The following OPHN1 variants were observed in gnomAD, a reference collection of about 807,000 sequenced individuals.
The protein encoded by OPHN1 is oligophrenin-1.
Under a neutral mutation model 60.7 loss-of-function variants are expected in OPHN1, and 11 were observed. That is an observed-to-expected ratio of 0.18 (90% CI 0.11 to 0.30). The LOEUF is 0.30. Among genes scored for constraint, OPHN1 ranks in the 10% least tolerant of loss-of-function variants. The probability of loss-of-function intolerance (pLI) is 1.00; values close to 1 mark genes in which losing one functional copy is unlikely to be tolerated. For missense variants in OPHN1, 449 were observed against 611.0 expected (o/e 0.73, Z 2.80); for synonymous variants, 226 against 222.6 (o/e 1.02, Z -0.14).
intron 19 of OPHN1, among the ~76,000 whole-genome samples, chrX:68,075,856 C>A (rs1477459319): frequency 2.0e-5 from 2 of 101,782 alleles, no homozygotes; most frequent in African/African-American, 7.1e-5. Flanking sequence ...GGGCTATAAT[C>A]AAATTTAAAA....
In OPHN1 at chrX:68,370,011, A is replaced by AATATAT. The variant is rs761607454; in HGVS notation, c.154+62850_154+62855dup. ...ACAGTGGGATGGCATAAATTGCTGA[A>AATATAT]ATATATATATATATATATATATATA... On this transcript the variant is annotated intron_variant, in intron 2 of 24. Coordinates refer to ENST00000355520, the MANE Select transcript of OPHN1 (RefSeq NM_002547.3). 8.5e-3 allele frequency among the ~76,000 whole-genome samples: 547 copies of AATATAT among 64,326 alleles called. 15 individuals are homozygous for AATATAT. The highest frequency in any genetic ancestry group is 0.014 in the South Asian group (15 of 1,102). The allele number at this position is 64,326 out of a possible 115,157, so 55.9% of individuals were successfully genotyped here.
At chrX:68,150,432 G>C (rs1731880316) in intron 15 of OPHN1, among the ~76,000 whole-genome samples, 1 of 111,815 alleles carries the variant, frequency 8.9e-6, no homozygotes, top group Admixed American at 9.5e-5. Flanking sequence ...ATAATAATAA[G>C]TTGTGAGCAC....
At chrX:68,358,931 A>G (rs781551620) in intron 2 of OPHN1, among the ~76,000 whole-genome samples, 11 of 111,865 alleles carry the variant, frequency 9.8e-5, no homozygotes, top group South Asian at 3.7e-4. Context: ...AAAGCCCCCA[A>G]TGCTAGTGTT....
At chrX:68,216,695 T>C (rs751984005) in intron 6 of OPHN1, among the ~76,000 whole-genome samples, 74 of 110,910 alleles carry the variant, frequency 6.7e-4, no homozygotes, top group Non-Finnish European at 1.1e-3. Flanking sequence ...ACAGAGTAAA[T>C]AGGCAACTTA....
chrX:68,076,264 A>G (rs1459177683), intron 19 of OPHN1, among the ~76,000 whole-genome samples: 1 of 111,010 alleles, frequency 9.0e-6, no homozygotes, highest in East Asian at 2.8e-4. Flanking sequence ...TAAAAACATG[A>G]TGCGATGCCA....
chrX:68,195,007 G>A (rs376466057), intron 12 of OPHN1, among the ~76,000 whole-genome samples: 3 of 41,097 alleles, frequency 7.3e-5, no homozygotes, highest in African/African-American at 1.8e-4. Flanking sequence ...AGAAAGAAAG[G>A]AAGGAAGGAA....
intron 3 of OPHN1, among the ~76,000 whole-genome samples, chrX:68,286,031 G>C (rs892758083): frequency 1.8e-5 from 2 of 110,784 alleles, no homozygotes; most frequent in Non-Finnish European, 3.8e-5. Context: ...GGGCTTCCTC[G>C]GGGGCAGGTT....
intron 18 of OPHN1, among the ~76,000 whole-genome samples, chrX:68,104,940 C>A (rs1487332660): frequency 9.0e-6 from 1 of 111,486 alleles, no homozygotes; most frequent in African/African-American, 3.3e-5. Context: ...CCAGAATCTA[C>A]AAGGAACTTA....
intron 18 of OPHN1, among the ~76,000 whole-genome samples, chrX:68,097,716 T>G (rs2077043110): frequency 9.0e-6 from 1 of 110,719 alleles, no homozygotes; most frequent in Admixed American, 9.6e-5. Context: ...AATGAGGCCT[T>G]CCATAACTTG....
intron 15 of OPHN1, chrX:68,133,367 T>C: frequency 1.2e-5 from 9 of 770,450 alleles, no homozygotes; most frequent in Non-Finnish European, 1.8e-5. Flanking sequence ...ACAATATGAA[T>C]GAATCTTTTG....
In OPHN1 at chrX:68,180,407, G is replaced by T. The variant is rs190497101; in HGVS notation, c.1276+12512C>A. ...CGTTATTTTTAATATTAATGTTTCT[G>T]AAACATATTCAGCATTAAAAAGATT... On this transcript the variant is annotated intron_variant, in intron 15 of 24. Transcript: ENST00000355520. Among the ~76,000 whole-genome samples, 234 of 111,344 alleles carry T rather than the reference G, an allele frequency of 2.1e-3. 1 individual carries two copies. Among genetic ancestry groups the T allele is most frequent in the African/African-American group, 7.1e-3 (219 of 30,666 alleles).
intron 5 of OPHN1, among the ~76,000 whole-genome samples, chrX:68,244,608 A>G (rs2077796759): frequency 8.9e-6 from 1 of 112,268 alleles, no homozygotes; most frequent in East Asian, 2.8e-4. Flanking sequence ...CTATCCAAAT[A>G]TGACTATAAC....
chrX:68,136,907 C>A (rs936715809), intron 15 of OPHN1, among the ~76,000 whole-genome samples: 1 of 111,380 alleles, frequency 9.0e-6, no homozygotes, highest in Non-Finnish European at 1.9e-5. Context: ...ACATAAAGTT[C>A]TTGAATACTA....
At chrX:68,158,937 G>A (rs762526304) in intron 15 of OPHN1, among the ~76,000 whole-genome samples, 1 of 111,805 alleles carries the variant, frequency 8.9e-6, no homozygotes, top group South Asian at 3.8e-4. Context: ...TAATTCACAA[G>A]GCAGAGGTTC....
At chrX:68,217,657 C>T (rs886091242) in intron 6 of OPHN1, among the ~76,000 whole-genome samples, 6 of 110,543 alleles carry the variant, frequency 5.4e-5, no homozygotes, top group Admixed American at 4.8e-4. Flanking sequence ...AGGCACCCCC[C>T]AGCAGGGACA....
At chrX:68,280,650 C>CATGGAGAAAAGTAAAAGTAAAA (rs2078015281) in intron 4 of OPHN1, among the ~76,000 whole-genome samples, 2 of 111,374 alleles carry the variant, frequency 1.8e-5, no homozygotes, top group African/African-American at 6.5e-5. Context: ...AACAGAATTC[C>CATGGAGAAAAGTAAAAGTAAAA]CATCTTACCA....
intron 5 of OPHN1, among the ~76,000 whole-genome samples, chrX:68,242,907 G>T (rs1375217936): frequency 9.1e-6 from 1 of 110,043 alleles, no homozygotes; most frequent in African/African-American, 3.3e-5. Flanking sequence ...TTACTGTGTT[G>T]CCCAGCCTGG....
chrX:68,331,074 GTATACT>G (rs1412340627), intron 2 of OPHN1, among the ~76,000 whole-genome samples: 2 of 102,238 alleles, frequency 2.0e-5, no homozygotes, highest in Non-Finnish European at 3.9e-5. Flanking sequence ...TTCTGTAAAA[GTATACT>G]TATATAATGT....
intron 2 of OPHN1, among the ~76,000 whole-genome samples, chrX:68,426,803 C>T (rs1402346497): frequency 1.0e-5 from 1 of 96,569 alleles, no homozygotes; most frequent in Non-Finnish European, 2.1e-5. Context: ...CCCAGGAGTT[C>T]GAAGTTGCAG....
Sources: allele counts gnomAD v4.1 joint callset (sites outside exome capture counted in the v4.1 genomes callset), GRCh38; gene constraint gnomAD v4.1.1; transcripts MANE v1.5; gene names NCBI Gene and HGNC (gene_info 2026-07-23, HGNC 2026-07-21).